DRC9: variants seen among roughly 807,000 people sequenced by gnomAD.
DRC9 encodes the protein dynein regulatory complex subunit 9, also known as dynein regulatory complex protein 9.
chr3:197,898,073 G>A, the DRC9 span, among the ~76,000 whole-genome samples: 1 of 151,802 alleles, frequency 6.6e-6, no homozygotes, highest in Non-Finnish European at 1.5e-5. Flanking sequence ...GAGCCACTGT[G>A]CCCAGCCAAG....
chr3:197,949,948 C>T, the DRC9 span: 4 of 439,422 alleles, frequency 9.1e-6, no homozygotes, highest in African/African-American at 8.1e-5. Context: ...TGGCAACGCA[C>T]AGCTTTGGCG....
the DRC9 span, chr3:197,938,532 T>C: frequency 6.3e-7 from 1 of 1,583,084 alleles, no homozygotes; most frequent in Non-Finnish European, 8.7e-7. Flanking sequence ...CACTGCCAAA[T>C]GTCTTCCTTC....
At chr3:197,914,412 C>T in the DRC9 span, among the ~76,000 whole-genome samples, 1 of 152,198 alleles carries the variant, frequency 6.6e-6, no homozygotes, top group Non-Finnish European at 1.5e-5. Flanking sequence ...AAATCTCCAA[C>T]TTTTTACTTT....
the DRC9 span, among the ~76,000 whole-genome samples, chr3:197,946,228 G>A: frequency 1.4e-3 from 210 of 152,108 alleles, no homozygotes; most frequent in African/African-American, 4.8e-3. Flanking sequence ...AAGGTCAGGA[G>A]ATCGAGACCA....
chr3:197,905,314 C>T, the DRC9 span, among the ~76,000 whole-genome samples: 3 of 152,120 alleles, frequency 2.0e-5, no homozygotes, highest in African/African-American at 7.2e-5. Context: ...ACGTGTCACA[C>T]GCCTGTATCA....
chr3:197,899,940 G>A, the DRC9 span, among the ~76,000 whole-genome samples: 6 of 151,504 alleles, frequency 4.0e-5, no homozygotes, highest in Non-Finnish European at 8.9e-5. Context: ...CACACGGCAC[G>A]GGTAGGATCT....
chr3:197,955,508 C>T, the DRC9 span, among the ~76,000 whole-genome samples: 1 of 152,090 alleles, frequency 6.6e-6, no homozygotes, highest in Non-Finnish European at 1.5e-5. Flanking sequence ...AGGATCTGCC[C>T]GCCTAGGCCT....
chr3:197,947,243 AT>A, the DRC9 span, among the ~76,000 whole-genome samples: 4 of 151,092 alleles, frequency 2.6e-5, no homozygotes, highest in East Asian at 3.9e-4. Flanking sequence ...TAATTTTTAA[AT>A]TTTTTTTTTC....
At chr3:197,891,696 TG>T in the DRC9 span, 1,206 of 439,878 alleles carry the variant, frequency 2.7e-3, 5 homozygotes, top group South Asian at 8.8e-3. Context: ...GATTCCTAGA[TG>T]GTAAATATTC....
chr3:197,899,365 C>T, the DRC9 span, among the ~76,000 whole-genome samples: 1 of 152,160 alleles, frequency 6.6e-6, no homozygotes, highest in Non-Finnish European at 1.5e-5. Flanking sequence ...GACAGCAATT[C>T]AACAAAGCAG....
At chr3:197,932,087 G>C in the DRC9 span, 2 of 1,429,000 alleles carry the variant, frequency 1.4e-6, no homozygotes, top group Non-Finnish European at 1.9e-6. Context: ...CACACGGTTG[G>C]TTTGCTTTAA....
the DRC9 span, among the ~76,000 whole-genome samples, chr3:197,894,814 A>G: frequency 1.3e-5 from 2 of 152,194 alleles, no homozygotes; most frequent in Non-Finnish European, 2.9e-5. Flanking sequence ...CTGTAATCCC[A>G]GCAGTTTGGA....
At chr3:197,925,198 G>C in the DRC9 span, among the ~76,000 whole-genome samples, 1 of 136,682 alleles carries the variant, frequency 7.3e-6, no homozygotes, top group Non-Finnish European at 1.6e-5. Flanking sequence ...GGGATATGAC[G>C]ATGGGATGAG....
At chr3:197,947,994 AG>A in the DRC9 span, among the ~76,000 whole-genome samples, 1 of 136,074 alleles carries the variant, frequency 7.3e-6, no homozygotes, top group African/African-American at 2.8e-5. Flanking sequence ...GTGCAGTGGC[AG>A]GATCTCAGCT....
the DRC9 span, chr3:197,951,091 G>A: frequency 3.5e-3 from 5,564 of 1,607,488 alleles, 11 homozygotes; most frequent in Middle Eastern, 8.3e-3. Context: ...CTTTTGGGTG[G>A]GGGTGATTAC....
At chr3:197,932,163 A>G in the DRC9 span, 4 of 1,609,338 alleles carry the variant, frequency 2.5e-6, no homozygotes, top group Non-Finnish European at 2.5e-6. Flanking sequence ...TAAACCTAAC[A>G]TGACTCTGAC....
At chr3:197,903,567 C>T in the DRC9 span, among the ~76,000 whole-genome samples, 8 of 152,124 alleles carry the variant, frequency 5.3e-5, no homozygotes, top group Non-Finnish European at 8.8e-5. Context: ...ACCCAGGAGG[C>T]GGAGGTCGCA....
the DRC9 span, chr3:197,913,341 CGTGCGTGT>C: frequency 5.0e-4 from 94 of 187,572 alleles, no homozygotes; most frequent in South Asian, 3.2e-4. Context: ...TGCGTGCGTG[CGTGCGTGT>C]GTGCGTGCGT....
the DRC9 span, among the ~76,000 whole-genome samples, chr3:197,931,677 G>A: frequency 1.3e-5 from 2 of 151,502 alleles, no homozygotes; most frequent in African/African-American, 2.4e-5. Context: ...GTGCGATCTC[G>A]GCTCACTACA....
Sources: gnomAD v4.1 joint callset for allele counts (sites outside exome capture counted in the v4.1 genomes callset) on GRCh38, gnomAD v4.1.1 for gene constraint, MANE v1.5 for transcripts, NCBI Gene and HGNC (gene_info 2026-07-23, HGNC 2026-07-21) for gene names.